The following DRICH1 variants were observed in gnomAD, a reference collection of about 807,000 sequenced individuals.
DRICH1 encodes the protein aspartate-rich protein 1.
Under a neutral mutation model 39.5 loss-of-function variants are expected in DRICH1, and 38 were observed. The ratio of observed to expected loss-of-function variants is 0.96; its 90% CI spans 0.74 to 1.26. DRICH1 has a LOEUF of 1.26. Among genes scored for constraint, DRICH1 ranks in the 50% most tolerant of loss-of-function variants. The pLI is 0.00. For missense variants in DRICH1, 279 were observed against 270.4 expected (o/e 1.03, Z -0.22); for synonymous variants, 84 against 99.5 (o/e 0.84, Z 0.93).
chr22:23,622,124 A>G lies in DRICH1; in HGVS notation c.351T>C (p.Asp117=), dbSNP rs776028816. The G allele has an allele frequency of 3.7e-6, 6 of 1,613,904 alleles. No individual in the cohort carries two copies. The highest frequency in any genetic ancestry group is 5.1e-6 in the Non-Finnish European group (6 of 1,179,914). Residue 117 remains aspartate, a synonymous_variant, in exon 4 of 12, where the codon GAT becomes GAC. Coordinates refer to ENST00000317749, the MANE Select transcript of DRICH1 (RefSeq NM_016449.4). The stretch of plus-strand genomic sequence containing the variant: ...CATCATCATCATCATCATCACAGTC[A>G]TCATCTTCACTTCGTGGTAGGCATA... The part of the protein sequence containing the change: ...SLVCLPRSED[D]DCDDDDDDDA...
intron 7 of DRICH1, among the ~76,000 whole-genome samples, 185 bp downstream of exon 7, chr22:23,617,390 G>A (rs1439198846): frequency 2.6e-5 from 4 of 152,112 alleles, no homozygotes; most frequent in Non-Finnish European, 5.9e-5. Context: ...AAAAAAACCA[G>A]AATAGGATAT....
At chr22:23,582,292 T>G in the DRICH1 span, among the ~76,000 whole-genome samples, 266 of 151,546 alleles carry the variant, frequency 1.8e-3, no homozygotes, top group Middle Eastern at 0.024. Context: ...TTTTTTTTTT[T>G]TGAGACGGAG....
At chr22:23,609,068 T>C (rs1926889479) in intron 11 of DRICH1, among the ~76,000 whole-genome samples, 1 of 152,116 alleles carries the variant, frequency 6.6e-6, no homozygotes, top group Non-Finnish European at 1.5e-5. Context: ...GAAACTGCTG[T>C]CGGGAGAGGT....
chr22:23,598,549 G>A, the DRICH1 span, among the ~76,000 whole-genome samples: 1 of 152,054 alleles, frequency 6.6e-6, no homozygotes, highest in African/African-American at 2.4e-5. Context: ...CCTGTGGCTG[G>A]GGCTCCCACA....
chr22:23,623,551 G>T (rs1262180635), intron 3 of DRICH1, among the ~76,000 whole-genome samples: 2 of 152,210 alleles, frequency 1.3e-5, no homozygotes, highest in Non-Finnish European at 2.9e-5. Flanking sequence ...TGGATAGGAA[G>T]ACTGAGCCTG....
downstream of DRICH1, among the ~76,000 whole-genome samples, chr22:23,606,745 AC>A (rs1212915421): frequency 2.0e-5 from 3 of 152,100 alleles, no homozygotes; most frequent in East Asian, 5.8e-4. Flanking sequence ...CTCTCAGGCC[AC>A]TGTGCCCTGC....
In DRICH1 at chr22:23,632,303, C is replaced by A. The variant is rs1921009348; in HGVS notation, c.-280G>T. On this transcript the variant is annotated 5_prime_UTR_variant, in exon 1 of 12. Coordinates refer to ENST00000317749, the MANE Select transcript of DRICH1 (RefSeq NM_016449.4). ...AGCACAGTTGGAGCTCCTCCTCCCT[C>A]CACTGCGAGCTACTGACTGAGGGCT... is the stretch of plus-strand genomic sequence containing the variant. The A allele has an allele frequency of 4.3e-6, 2 of 466,044 alleles. No individual in the cohort carries two copies. The highest frequency in any genetic ancestry group is 2.0e-5 in the African/African-American group (1 of 50,984). 28.9% of individuals were successfully genotyped at this position (466,044 alleles called of 1,614,324 possible).
In DRICH1 at chr22:23,619,807, C is replaced by CACACTCAGGGAGATGTCTTGAT. The variant is rs575068602; in HGVS notation, c.407-436_407-415dup. ...CAGAGTGAATTTTCATTCTGTCCTCCACACTCAGGGAGATGTCTTGATACC... is the reference window on the plus strand; with the variant it reads ...CAGAGTGAATTTTCATTCTGTCCTCCACACTCAGGGAGATGTCTTGATACACTCAGGGAGATGTCTTGATACC... On this transcript the variant is annotated intron_variant, in intron 5 of 11. Coordinates refer to ENST00000317749, the MANE Select transcript of DRICH1 (RefSeq NM_016449.4). Among the ~76,000 whole-genome samples, 304 of 152,270 alleles carry CACACTCAGGGAGATGTCTTGAT rather than the reference C, an allele frequency of 2.0e-3. 1 individual carries two copies. Among genetic ancestry groups the CACACTCAGGGAGATGTCTTGAT allele is most frequent in the African/African-American group, 6.9e-3 (287 of 41,508 alleles).
chr22:23,619,196 G>T (rs895826760), intron 6 of DRICH1, among the ~76,000 whole-genome samples, 168 bp downstream of exon 6: 1 of 144,166 alleles, frequency 6.9e-6, no homozygotes. Context: ...AAAAGAAAAA[G>T]AAATCACAAA....
intron 1 of DRICH1, among the ~76,000 whole-genome samples, chr22:23,627,847 C>T (rs1292772653): frequency 6.6e-6 from 1 of 152,120 alleles, no homozygotes; most frequent in African/African-American, 2.4e-5. Flanking sequence ...GGGAACATTT[C>T]CACAACTAAG....
rs903182675 is a variant in DRICH1 at position 23,608,482 on chromosome 22, G to A, written c.*282C>T. ...GCACTCAGTCTCTTTATTTCAAGTG[G>A]GAATGGCACTTTCTGCTCGTGGAGC... On this transcript the variant is annotated 3_prime_UTR_variant, in exon 12 of 12. Transcript: ENST00000317749. The A allele has an allele frequency of 1.0e-5, 5 of 499,582 alleles. No individual in the cohort carries two copies. The highest frequency in any genetic ancestry group is 9.5e-5 in the African/African-American group (5 of 52,710). 30.9% of individuals were successfully genotyped at this position (499,582 alleles called of 1,614,324 possible).
At chr22:23,614,629 A>T (rs1034992695) in intron 8 of DRICH1, among the ~76,000 whole-genome samples, 1 of 152,224 alleles carries the variant, frequency 6.6e-6, no homozygotes. Context: ...AGGATTTATT[A>T]CTTATTTAAA....
chr22:23,611,783 G>T (rs1264270992), intron 11 of DRICH1, among the ~76,000 whole-genome samples: 1 of 152,156 alleles, frequency 6.6e-6, no homozygotes, highest in African/African-American at 2.4e-5. Context: ...CTGTTAGAAG[G>T]TCGGCGCAGT....
the DRICH1 span, among the ~76,000 whole-genome samples, chr22:23,596,288 A>G: frequency 6.6e-6 from 1 of 151,932 alleles, no homozygotes; most frequent in African/African-American, 2.4e-5. Flanking sequence ...TCCCCTTTTG[A>G]CAGAGTCTTG....
At chr22:23,581,389 C>T in the DRICH1 span, 1 of 152,240 alleles carries the variant, frequency 6.6e-6, no homozygotes, top group African/African-American at 2.4e-5. Context: ...GCTGGGCGGC[C>T]AGGGCCAGGC....
At chr22:23,620,178 C>T (rs1201663033) in intron 5 of DRICH1, among the ~76,000 whole-genome samples, 1 of 151,968 alleles carries the variant, frequency 6.6e-6, no homozygotes, top group Non-Finnish European at 1.5e-5. Flanking sequence ...TTTTCTTTTT[C>T]TCTTTTTACA....
At chr22:23,593,972 T>A in the DRICH1 span, among the ~76,000 whole-genome samples, 1 of 13,912 alleles carries the variant, frequency 7.2e-5, no homozygotes, top group Non-Finnish European at 1.7e-4. Flanking sequence ...AGCAAGACTC[T>A]GTCTCAAAAA....
rs771356852 is a variant in DRICH1 at position 23,613,684 on chromosome 22, T to C, written c.622-24A>G. 5 of 1,568,150 alleles carry C rather than the reference T, an allele frequency of 3.2e-6. No homozygotes were observed. The South Asian group carries it at 4.5e-5, about 14-fold the overall frequency. ...ATCTGCAATTATATAAAAGAAAACA[T>C]TATGAAAATCAGATTCTGCTGTGCG... On this transcript the variant is annotated intron_variant, in intron 9 of 11. Transcript: ENST00000317749.
downstream of DRICH1, among the ~76,000 whole-genome samples, chr22:23,605,429 CACA>C (rs1046885600): frequency 1.3e-5 from 2 of 152,176 alleles, no homozygotes; most frequent in Admixed American, 1.3e-4. Context: ...GGAAGGCCCC[CACA>C]ACATCAGCTG....
Sources: allele counts gnomAD v4.1 joint callset (sites outside exome capture counted in the v4.1 genomes callset), GRCh38; gene constraint gnomAD v4.1.1; transcripts MANE v1.5; gene names NCBI Gene and HGNC (gene_info 2026-07-23, HGNC 2026-07-21).